The following CSGALNACT1 variants were observed in gnomAD, a reference collection of about 807,000 sequenced individuals.
The protein encoded by CSGALNACT1 is chondroitin sulfate N-acetylgalactosaminyltransferase 1.
A neutral mutation model predicts 51.0 loss-of-function variants in CSGALNACT1; 52 were observed. The ratio of observed to expected loss-of-function variants is 1.02; its 90% confidence interval spans 0.82 to 1.29. The LOEUF (loss-of-function observed/expected upper bound fraction) is 1.29, where lower values mean the gene tolerates loss of function less well. CSGALNACT1 is among the 50% of genes most tolerant of loss of function. The pLI is 0.00. For synonymous variants in CSGALNACT1, 341 were observed against 254.4 expected, an observed-to-expected ratio of 1.34 and a Z score of -3.24; for missense variants, 935 against 679.2, an observed-to-expected ratio of 1.38 and a Z score of -4.19.
At chr8:19,524,552 A>C (rs1041397073) in intron 3 of CSGALNACT1, among the ~76,000 whole-genome samples, 5 of 152,120 alleles carry the variant, frequency 3.3e-5, no homozygotes, top group Non-Finnish European at 5.9e-5. Context: ...TTTTAATATT[A>C]GTTCCTTCCA....
chr8:19,667,891 A>G (rs2059508041), intron 1 of CSGALNACT1, among the ~76,000 whole-genome samples: 1 of 152,240 alleles, frequency 6.6e-6, no homozygotes, highest in African/African-American at 2.4e-5. Flanking sequence ...TCAATGAACG[A>G]TCATGGAATT....
intron 5 of CSGALNACT1, chr8:19,457,915 A>G: frequency 1.4e-6 from 1 of 732,046 alleles, no homozygotes; most frequent in East Asian, 6.2e-5. Flanking sequence ...AAGATGATGC[A>G]GGTTACAATA....
chr8:19,740,455 G>C (rs571160663), intron 1 of CSGALNACT1, among the ~76,000 whole-genome samples: 34 of 152,304 alleles, frequency 2.2e-4, no homozygotes, highest in Admixed American at 7.8e-4. Context: ...GCACAGCAGA[G>C]GCTTCTTCAA....
chr8:19,418,969 C>T (rs919690854), intron 7 of CSGALNACT1, among the ~76,000 whole-genome samples: 1 of 152,108 alleles, frequency 6.6e-6, no homozygotes, highest in Non-Finnish European at 1.5e-5. Context: ...GCCTCAGCCT[C>T]TTGAGTAGCT....
intron 1 of CSGALNACT1, among the ~76,000 whole-genome samples, chr8:19,667,513 C>A (rs1186116350): frequency 6.7e-6 from 1 of 149,646 alleles, no homozygotes; most frequent in African/African-American, 2.5e-5. Flanking sequence ...TGACTTCTCA[C>A]AACGGTAAGA....
Position 19,644,709 on chromosome 8 carries a change from C to CAAAAAAAAAAAAAAAAAAAA in CSGALNACT1, c.-544+37744_-544+37763dup, listed in dbSNP as rs756025465. ...TGGGTAACAGAGCGAGACTCCGTCT[C>CAAAAAAAAAAAAAAAAAAAA]AAAAAAAAAAAAAAAAAAAAAAAAA... On this transcript the variant is annotated intron_variant, in intron 1 of 9. Transcript: ENST00000332246. Among the ~76,000 whole-genome samples the CAAAAAAAAAAAAAAAAAAAA allele has an allele frequency of 9.0e-5, 2 of 22,292 alleles. 1 individual carries two copies. Among genetic ancestry groups the CAAAAAAAAAAAAAAAAAAAA allele is most frequent in the Non-Finnish European group, 1.9e-4 (2 of 10,390 alleles). 14.6% of individuals were successfully genotyped at this position (22,292 alleles called of 152,430 possible).
intron 2 of CSGALNACT1, among the ~76,000 whole-genome samples, chr8:19,594,269 T>C (rs2048430196): frequency 6.6e-6 from 1 of 152,178 alleles, no homozygotes; most frequent in Non-Finnish European, 1.5e-5. Flanking sequence ...CAGAGTTTAT[T>C]GTCACAATAT....
intron 1 of CSGALNACT1, among the ~76,000 whole-genome samples, chr8:19,691,507 CA>C (rs761923675): frequency 2.6e-5 from 4 of 152,172 alleles, no homozygotes; most frequent in Non-Finnish European, 2.9e-5. Context: ...CCTGTTAGAC[CA>C]AACAACTAAC....
At chr8:19,539,158 C>T (rs983528247) in intron 3 of CSGALNACT1, among the ~76,000 whole-genome samples, 4 of 152,122 alleles carry the variant, frequency 2.6e-5, no homozygotes, top group East Asian at 1.9e-4. Flanking sequence ...AGCAAATTTA[C>T]ACACCTCACA....
intron 1 of CSGALNACT1, among the ~76,000 whole-genome samples, chr8:19,731,591 A>G (rs1168263616): frequency 6.6e-6 from 1 of 152,178 alleles, no homozygotes. Flanking sequence ...CCCCTAATGC[A>G]TCTCCATCTT....
At chr8:19,471,294 G>C (rs2068107345) in intron 4 of CSGALNACT1, among the ~76,000 whole-genome samples, 1 of 152,124 alleles carries the variant, frequency 6.6e-6, no homozygotes, top group Non-Finnish European at 1.5e-5. Context: ...CTACCCTAAG[G>C]GGTGAATCAT....
At chr8:19,619,608 G>C (rs962139341) in intron 1 of CSGALNACT1, among the ~76,000 whole-genome samples, 12 of 152,170 alleles carry the variant, frequency 7.9e-5, no homozygotes, top group South Asian at 4.1e-4. Flanking sequence ...TAGGCATAGA[G>C]TCAGGGCTCA....
chr8:19,532,359 G>T (rs2082942444), intron 3 of CSGALNACT1, among the ~76,000 whole-genome samples: 1 of 152,098 alleles, frequency 6.6e-6, no homozygotes, highest in African/African-American at 2.4e-5. Flanking sequence ...ACAATTAGGG[G>T]TGACTGGGGA....
intron 3 of CSGALNACT1, among the ~76,000 whole-genome samples, chr8:19,551,162 T>C (rs1050145008): frequency 6.6e-6 from 1 of 152,194 alleles, no homozygotes; most frequent in African/African-American, 2.4e-5. Context: ...GAAAAGAGTA[T>C]GTTACAATTC....
chr8:19,682,390 A>G, intron 1 of CSGALNACT1: 1 of 327,180 alleles, frequency 3.1e-6, no homozygotes, highest in East Asian at 7.7e-5. Context: ...TTAATTAGAA[A>G]CAAAACAGCT....
rs541318530 is a variant in CSGALNACT1 at position 19,512,474 on chromosome 8, A to G, written c.-296-6344T>C. Among the ~76,000 whole-genome samples the G allele has an allele frequency of 2.2e-4, 34 of 152,360 alleles. No homozygotes were observed. In the South Asian group the frequency reaches 4.3e-3, roughly 19 times the overall value. ...GTTTTGGAATAATTTATTACATTCCAACAGATAGATAACTAATTCACAGGG... is the reference window on the plus strand; with the variant it reads ...GTTTTGGAATAATTTATTACATTCCGACAGATAGATAACTAATTCACAGGG... On this transcript the variant is annotated intron_variant, in intron 3 of 9. Transcript: ENST00000454498.
intron 3 of CSGALNACT1, among the ~76,000 whole-genome samples, chr8:19,553,882 G>A (rs971678342): frequency 8.9e-5 from 13 of 146,266 alleles, no homozygotes; most frequent in African/African-American, 1.0e-4. Context: ...AATAATCACC[G>A]AACAAGAAAG....
rs192839600 is a variant in CSGALNACT1 at position 19,690,964 on chromosome 8, T to C, written c.-297+66886A>G. ...CCATGGCACTGGGCACTGTGGCTCA[T>C]GTCTGTAATGCCAGCACTTAGGAAG... On this transcript the variant is annotated intron_variant, in intron 1 of 1. Coordinates refer to the CSGALNACT1 transcript ENST00000517494. 3.3e-5 allele frequency among the ~76,000 whole-genome samples: 5 copies of C among 152,310 alleles called. No individual in the cohort carries two copies. The East Asian group carries it at 7.7e-4, about 24-fold the overall frequency.
intron 4 of CSGALNACT1, among the ~76,000 whole-genome samples, chr8:19,459,256 G>A (rs114856526): frequency 0.021 from 3,171 of 151,832 alleles, 103 homozygotes; most frequent in African/African-American, 0.072. Context: ...CATGTTGTGC[G>A]CCTGTAACCC....
Sources: gnomAD v4.1 joint callset for allele counts (sites outside exome capture counted in the v4.1 genomes callset) on GRCh38, gnomAD v4.1.1 for gene constraint, MANE v1.5 for transcripts, NCBI Gene and HGNC (gene_info 2026-07-23, HGNC 2026-07-21) for gene names.